Variants in TMED3 observed in about 807,000 individuals in gnomAD.
The protein encoded by TMED3 is transmembrane emp24 domain-containing protein 3.
A neutral mutation model predicts 15.0 loss-of-function variants in TMED3; 9 were observed. That is an observed-to-expected ratio of 0.60 (90% CI 0.36 to 1.04). The LOEUF (loss-of-function observed/expected upper bound fraction) is 1.04. Ranked by LOEUF, TMED3 falls within the 50% of genes least tolerant of loss-of-function variation. TMED3 has a pLI of 0.01. For missense variants in TMED3, 267 were observed against 278.9 expected (o/e 0.96, Z 0.30); for synonymous variants, 117 against 121.4 (o/e 0.96, Z 0.24).
chr15:79,398,167 G>T (rs1340114658), intron 2 of TMED3, among the ~76,000 whole-genome samples: 1 of 151,834 alleles, frequency 6.6e-6, no homozygotes, highest in African/African-American at 2.4e-5. Context: ...CCAACCCCTG[G>T]CAACCACTGA....
At position 79,320,249 on chromosome 15, in the gene TMED3, C is replaced by T. The variant is rs192992007; in HGVS notation, c.418-1729C>T. 2.4e-3 allele frequency among the ~76,000 whole-genome samples: 372 copies of T among 152,336 alleles called. 1 individual carries two copies. Among genetic ancestry groups the T allele is most frequent in the African/African-American group, 7.9e-3 (330 of 41,582 alleles). On this transcript the variant is annotated intron_variant, in intron 2 of 2. Transcript: ENST00000299705. The stretch of plus-strand genomic sequence containing the variant: ...GCACTCTTGTCTTCTGGTCACTTCT[C>T]ACTATGTCCCCTCAGCTCCTATCTC...
chr15:79,311,679 C>G (rs914833641), intron 1 of TMED3, among the ~76,000 whole-genome samples: 6 of 152,132 alleles, frequency 3.9e-5, no homozygotes, highest in African/African-American at 1.4e-4. Flanking sequence ...CAGGGCGGAT[C>G]CCGCAGCCTG....
chr15:79,395,493 T>C (rs1340584351), intron 2 of TMED3, among the ~76,000 whole-genome samples: 1 of 152,228 alleles, frequency 6.6e-6, no homozygotes, highest in African/African-American at 2.4e-5. Flanking sequence ...TGTTTCTGGT[T>C]TTTAAGTGGC....
chr15:79,374,563 A>G (rs1043458951), intron 2 of TMED3, among the ~76,000 whole-genome samples: 6 of 152,142 alleles, frequency 3.9e-5, no homozygotes, highest in African/African-American at 1.2e-4. Flanking sequence ...CTTTAGGTGG[A>G]TTCAGTTAAA....
intron 1 of TMED3, among the ~76,000 whole-genome samples, chr15:79,313,264 C>T (rs1389491888): frequency 6.6e-6 from 1 of 152,034 alleles, no homozygotes; most frequent in Non-Finnish European, 1.5e-5. Flanking sequence ...CCCTCCTCAT[C>T]TTGCTCTTGA....
intron 2 of TMED3, among the ~76,000 whole-genome samples, chr15:79,351,922 G>A (rs938766211): frequency 1.9e-4 from 29 of 152,108 alleles, no homozygotes; most frequent in Admixed American, 3.3e-4. Flanking sequence ...TTGCAGTAAC[G>A]TGGACTGAAT....
chr15:79,338,663 C>T (rs1426630710), intron 2 of TMED3, among the ~76,000 whole-genome samples: 1 of 151,900 alleles, frequency 6.6e-6, no homozygotes, highest in Non-Finnish European at 1.5e-5. Flanking sequence ...TATAATAATC[C>T]TTGCTCTATA....
intron 2 of TMED3, 128 bp from the exon 3 acceptor site, chr15:79,321,850 C>T (rs756881320): frequency 1.3e-4 from 151 of 1,202,434 alleles, no homozygotes; most frequent in Non-Finnish European, 1.7e-4. Flanking sequence ...ACGTAAAACC[C>T]TTAGCACAGA....
At chr15:79,362,042 A>T (rs1352622962) in intron 2 of TMED3, among the ~76,000 whole-genome samples, 1 of 152,176 alleles carries the variant, frequency 6.6e-6, no homozygotes, top group Non-Finnish European at 1.5e-5. Context: ...CTTGAAAGAC[A>T]TTTTAGTTCC....
rs535356326 is a variant in TMED3, at chr15:79,406,318, C to T, written c.418-5082C>T. On this transcript the variant is annotated intron_variant, in intron 2 of 2. Coordinates refer to the TMED3 transcript ENST00000424155. ...ATAGACCCGGAAATGAATGAGACGT[C>T]CTGTCAGCTGCTAGAAATAATTATA... Among the ~76,000 whole-genome samples the T allele has an allele frequency of 2.0e-5, 3 of 152,288 alleles. No homozygotes were observed. The East Asian group carries it at 5.8e-4, about 29-fold the overall frequency.
intron 2 of TMED3, among the ~76,000 whole-genome samples, chr15:79,355,814 CATT>C (rs2058916698): frequency 6.6e-6 from 1 of 152,178 alleles, no homozygotes; most frequent in Non-Finnish European, 1.5e-5. Context: ...TGAGCGCATC[CATT>C]GCCTTTTCCA....
intron 2 of TMED3, among the ~76,000 whole-genome samples, chr15:79,329,907 A>G (rs2058801763): frequency 6.6e-6 from 1 of 152,198 alleles, no homozygotes; most frequent in African/African-American, 2.4e-5. Context: ...ATTTTGCTGT[A>G]ACAAGAAGTC....
At chr15:79,393,898 T>C (rs1205941164) in intron 2 of TMED3, among the ~76,000 whole-genome samples, 2 of 152,192 alleles carry the variant, frequency 1.3e-5, no homozygotes, top group Admixed American at 6.5e-5. Context: ...GGTTTCACCA[T>C]GTTGCCCAGG....
intron 2 of TMED3, among the ~76,000 whole-genome samples, chr15:79,381,875 G>C (rs542561349): frequency 5.6e-4 from 85 of 152,302 alleles, no homozygotes; most frequent in African/African-American, 1.9e-3. Context: ...GCTCACTGGG[G>C]TCTTAATGCT....
At chr15:79,401,464 G>T (rs1439730763) in intron 2 of TMED3, among the ~76,000 whole-genome samples, 1 of 152,210 alleles carries the variant, frequency 6.6e-6, no homozygotes, top group African/African-American at 2.4e-5. Flanking sequence ...GCCCCCAGGG[G>T]ACATTTGGCA....
At chr15:79,323,994 AT>A (rs557397286), downstream of TMED3, among the ~76,000 whole-genome samples, 64 of 151,776 alleles carry the variant, frequency 4.2e-4, no homozygotes, top group South Asian at 0.013. Flanking sequence ...TCCAGAAGAA[AT>A]TTTTTTTTCT....
At chr15:79,398,235 C>T (rs912466163) in intron 2 of TMED3, among the ~76,000 whole-genome samples, 25 of 152,130 alleles carry the variant, frequency 1.6e-4, no homozygotes, top group African/African-American at 6.0e-4. Flanking sequence ...TGGAATTACA[C>T]AGTACGTAGC....
chr15:79,324,525 A>C (rs956301012), downstream of TMED3, among the ~76,000 whole-genome samples: 8 of 152,236 alleles, frequency 5.3e-5, no homozygotes, highest in Non-Finnish European at 1.0e-4. Flanking sequence ...AAATCGTCTT[A>C]GTAATTAGAA....
intron 2 of TMED3, among the ~76,000 whole-genome samples, chr15:79,354,231 A>T (rs1230642195): frequency 6.6e-6 from 1 of 152,292 alleles, no homozygotes; most frequent in South Asian, 2.1e-4. Flanking sequence ...AATGAAAGTT[A>T]TAGGCTTGGC....
Sources: allele counts gnomAD v4.1 joint callset (sites outside exome capture counted in the v4.1 genomes callset), GRCh38; gene constraint gnomAD v4.1.1; transcripts MANE v1.5; gene names NCBI Gene and HGNC (gene_info 2026-07-23, HGNC 2026-07-21).